GPLD1: variants seen among roughly 807,000 people sequenced by gnomAD.
GPLD1 encodes glycosylphosphatidylinositol specific phospholipase D1.
GPLD1 carries 84 observed loss-of-function variants against 112.6 expected under a neutral mutation model. The observed-to-expected ratio is 0.75, with a 90% CI of 0.63 to 0.89. The LOEUF is 0.89. Ranked by LOEUF, GPLD1 falls within the 40% of genes least tolerant of loss-of-function variation. The probability of loss-of-function intolerance (pLI) is 0.00; values close to 1 mark genes in which losing one functional copy is unlikely to be tolerated. For missense variants in GPLD1, 1,044 were observed against 1,051.5 expected (o/e 0.99, Z 0.10); for synonymous variants, 386 against 403.8 (o/e 0.96, Z 0.53).
At position 24,449,118 on chromosome 6, in the gene GPLD1, A is replaced by C. The variant is rs1008562444; in HGVS notation, c.1446+671T>G. On this transcript the variant is annotated intron_variant, in intron 15 of 24. Transcript: ENST00000230036. ...CACTCCTAAAGAAAGACAGGGGAGAAAAAGCTTTTCAAGCAGAGGAAACTG... is the reference window on the plus strand; with the variant it reads ...CACTCCTAAAGAAAGACAGGGGAGACAAAGCTTTTCAAGCAGAGGAAACTG... 2.6e-5 allele frequency among the ~76,000 whole-genome samples: 4 copies of C among 151,940 alleles called. No individual in the cohort carries two copies. The South Asian group carries it at 8.3e-4, about 32-fold the overall frequency.
Position 24,447,912 on chromosome 6 carries a change from GC to G in GPLD1, c.1642del (p.Ala548LeufsTer9), listed in dbSNP as rs757934059. On this transcript the variant is annotated frameshift_variant, in exon 17 of 25. Transcript: ENST00000230036. LOFTEE classifies it high-confidence loss of function. ...PGGGKQKGIV[A>X]AFYSGPSLSD... is the part of the protein sequence containing the mutation. ...CAGGCTGGGGCCAGAATAAAACGCA[GC>G]CACAATTCCCTTCTGCTTCCCTCCA... 3.1e-4 allele frequency: 503 copies of G among 1,613,922 alleles called. No individual in the cohort carries two copies. The highest frequency in any genetic ancestry group is 4.2e-4 in the Non-Finnish European group (492 of 1,180,026).
intron 10 of GPLD1, among the ~76,000 whole-genome samples, chr6:24,465,180 G>A (rs113936326): frequency 0.011 from 1,322 of 124,980 alleles, 24 homozygotes; most frequent in African/African-American, 0.036. Flanking sequence ...CTGGGCAACA[G>A]AGCAAGACTC....
chr6:24,461,414 A>G (rs577780361), intron 11 of GPLD1, among the ~76,000 whole-genome samples: 1 of 152,350 alleles, frequency 6.6e-6, no homozygotes, highest in Admixed American at 6.5e-5. Flanking sequence ...TGTAATTTTC[A>G]TTCTTCCAAA....
At chr6:24,468,933 C>T (rs1401382538) in intron 7 of GPLD1, among the ~76,000 whole-genome samples, 1 of 152,178 alleles carries the variant, frequency 6.6e-6, no homozygotes, top group Non-Finnish European at 1.5e-5. Context: ...TTAATCTTGG[C>T]AAAACAAACT....
chr6:24,432,050 C>A (rs1398940159), intron 24 of GPLD1, among the ~76,000 whole-genome samples: 1 of 151,730 alleles, frequency 6.6e-6, no homozygotes, highest in Non-Finnish European at 1.5e-5. Flanking sequence ...GAGTTCAAGA[C>A]CAGCCTGGGC....
intron 10 of GPLD1, among the ~76,000 whole-genome samples, chr6:24,465,206 A>G (rs1170431188): frequency 7.1e-6 from 1 of 140,812 alleles, no homozygotes. Flanking sequence ...CAAAAAAAAA[A>G]AAAAAAAGAA....
At chr6:24,487,469 G>T (rs1045678203) in intron 1 of GPLD1, among the ~76,000 whole-genome samples, 3 of 152,092 alleles carry the variant, frequency 2.0e-5, no homozygotes, top group Non-Finnish European at 2.9e-5. Context: ...GGTACTTAAT[G>T]AAGAAGGGCA....
At chr6:24,488,952 C>A (rs1346530778) in intron 1 of GPLD1, among the ~76,000 whole-genome samples, 1 of 152,138 alleles carries the variant, frequency 6.6e-6, no homozygotes, top group African/African-American at 2.4e-5. Flanking sequence ...AGCACTTTTA[C>A]AGCAATTTGA....
At chr6:24,445,862 A>G in intron 18 of GPLD1, 31 bp from the exon 19 acceptor site, 1 of 1,488,094 alleles carries the variant, frequency 6.7e-7, no homozygotes, top group Non-Finnish European at 9.4e-7. Context: ...CTTAGCTGCC[A>G]GGGCACAAGA....
intron 22 of GPLD1, among the ~76,000 whole-genome samples, chr6:24,435,432 T>A (rs1487139580): frequency 6.6e-6 from 1 of 152,198 alleles, no homozygotes; most frequent in Non-Finnish European, 1.5e-5. Flanking sequence ...GCTCTAAAGG[T>A]AAGCAGGTAT....
chr6:24,435,849 T>TAAAAAAAAAAAAAAAAAA (rs1554129001), intron 22 of GPLD1: 5 of 83,932 alleles, frequency 6.0e-5, no homozygotes, highest in African/African-American at 1.2e-4. Context: ...AAAAAAAAAG[T>TAAAAAAAAAAAAAAAAAA]TAAATAATGG....
At chr6:24,488,853 AC>A (rs1387837811) in intron 1 of GPLD1, among the ~76,000 whole-genome samples, 1 of 152,084 alleles carries the variant, frequency 6.6e-6, no homozygotes, top group East Asian at 1.9e-4. Flanking sequence ...GGCTTGCTGT[AC>A]CCTTCTGCTC....
chr6:24,485,673 T>C (rs1488724584), intron 2 of GPLD1, among the ~76,000 whole-genome samples: 2 of 96,266 alleles, frequency 2.1e-5, no homozygotes, highest in Non-Finnish European at 4.1e-5. Context: ...ATAATGAGTC[T>C]CTTTTTTTTT....
In GPLD1 at chr6:24,426,661, A is replaced by C. The variant is rs72833071; in HGVS notation, c.*2371T>G. On this transcript the variant is annotated 3_prime_UTR_variant, in exon 25 of 25. Coordinates refer to ENST00000230036, the MANE Select transcript of GPLD1 (RefSeq NM_001503.4). ...ATGCATCCGTCTAATGAAAAGACCC[A>C]GTACTGAGAAAAACATCCCTTTACT... Among the ~76,000 whole-genome samples, 1,090 of 150,444 alleles carry C rather than the reference A, an allele frequency of 7.2e-3. 13 individuals are homozygous for C. The highest frequency in any genetic ancestry group is 0.012 in the Non-Finnish European group (842 of 67,728).
At chr6:24,465,188 C>T (rs1209641781) in intron 10 of GPLD1, among the ~76,000 whole-genome samples, 2 of 102,842 alleles carry the variant, frequency 1.9e-5, no homozygotes, top group African/African-American at 3.8e-5. Context: ...CAGAGCAAGA[C>T]TCTGTCTCAA....
At chr6:24,459,249 A>T (rs1763357387) in intron 12 of GPLD1, among the ~76,000 whole-genome samples, 1 of 150,788 alleles carries the variant, frequency 6.6e-6, no homozygotes, top group African/African-American at 2.4e-5. Context: ...TCTCCCTGCT[A>T]TTTTTTTTTT....
At chr6:24,442,033 TTTATA>T (rs371052141) in intron 20 of GPLD1, among the ~76,000 whole-genome samples, 1,679 of 148,582 alleles carry the variant, frequency 0.011, 18 homozygotes, top group South Asian at 0.048. Context: ...ATTATATACA[TTTATA>T]TTATATATTA....
At chr6:24,465,892 T>TTTTATA (rs1474054848) in intron 10 of GPLD1, among the ~76,000 whole-genome samples, 2 of 152,248 alleles carry the variant, frequency 1.3e-5, no homozygotes, top group Admixed American at 6.5e-5. Context: ...TAGCTCTATT[T>TTTTATA]GCTTCTGTTT....
chr6:24,457,316 CAAA>C (rs748991266), intron 12 of GPLD1, among the ~76,000 whole-genome samples: 13 of 151,880 alleles, frequency 8.6e-5, no homozygotes, highest in Non-Finnish European at 1.5e-4. Flanking sequence ...CCCATCTCAA[CAAA>C]AAATACAAAA....
Sources: gnomAD v4.1 joint callset for allele counts (sites outside exome capture counted in the v4.1 genomes callset) on GRCh38, gnomAD v4.1.1 for gene constraint, MANE v1.5 for transcripts, NCBI Gene and HGNC (gene_info 2026-07-23, HGNC 2026-07-21) for gene names.